Variants in RAP1GDS1 observed in about 807,000 individuals in gnomAD.
RAP1GDS1 encodes RAP1, GTP-GDP dissociation stimulator 1.
Under a neutral mutation model 71.1 loss-of-function variants are expected in RAP1GDS1, and 35 were observed. The ratio of observed to expected loss-of-function variants is 0.49; its 90% CI spans 0.38 to 0.65. The LOEUF is 0.65. Ranked by LOEUF, RAP1GDS1 falls within the 30% of genes least tolerant of loss-of-function variation. The pLI is 0.00. For synonymous variants in RAP1GDS1, 229 were observed against 243.1 expected, an observed-to-expected ratio of 0.94 and a Z score of 0.54; for missense variants, 663 against 706.1, an observed-to-expected ratio of 0.94 and a Z score of 0.69.
At chr4:98,369,484 T>A (rs1405674278) in intron 4 of RAP1GDS1, among the ~76,000 whole-genome samples, 9 of 152,084 alleles carry the variant, frequency 5.9e-5, no homozygotes, top group Non-Finnish European at 1.3e-4. Context: ...TATATTTGAG[T>A]GGATAAAAGA....
At chr4:98,390,275 T>A (rs1265034443) in intron 5 of RAP1GDS1, among the ~76,000 whole-genome samples, 1 of 152,148 alleles carries the variant, frequency 6.6e-6, no homozygotes, top group Non-Finnish European at 1.5e-5. Flanking sequence ...GTATTTTACC[T>A]TTAAGTGTTG....
chr4:98,281,514 A>G (rs1007146835), intron 1 of RAP1GDS1, among the ~76,000 whole-genome samples: 4 of 152,128 alleles, frequency 2.6e-5, no homozygotes, highest in Non-Finnish European at 4.4e-5. Context: ...TTGGGCTGAG[A>G]TGATGGGGTT....
intron 6 of RAP1GDS1, among the ~76,000 whole-genome samples, chr4:98,403,760 AAGG>A (rs779627031): frequency 2.0e-5 from 3 of 152,192 alleles, no homozygotes; most frequent in Non-Finnish European, 4.4e-5. Context: ...TCTTGTGGAA[AAGG>A]AGGAACAATT....
At chr4:98,397,467 G>A (rs1256595205) in intron 6 of RAP1GDS1, among the ~76,000 whole-genome samples, 4 of 151,888 alleles carry the variant, frequency 2.6e-5, no homozygotes, top group South Asian at 2.1e-4. Flanking sequence ...ACCTCCCCCC[G>A]ACCCACTCTC....
intron 5 of RAP1GDS1, among the ~76,000 whole-genome samples, chr4:98,385,801 G>GA (rs1481511420): frequency 6.6e-6 from 1 of 151,838 alleles, no homozygotes; most frequent in Non-Finnish European, 1.5e-5. Flanking sequence ...ATGGTAACTA[G>GA]AAAAGTTTTT....
chr4:98,394,872 G>C (rs781552966), intron 6 of RAP1GDS1, among the ~76,000 whole-genome samples: 1 of 151,984 alleles, frequency 6.6e-6, no homozygotes, highest in Non-Finnish European at 1.5e-5. Flanking sequence ...GTTCACGTTA[G>C]GGCAATAGTT....
At chr4:98,365,335 C>T (rs1247840402) in intron 4 of RAP1GDS1, among the ~76,000 whole-genome samples, 1 of 152,048 alleles carries the variant, frequency 6.6e-6, no homozygotes, top group East Asian at 1.9e-4. Context: ...TAAAATTGAG[C>T]CAGGCATCAT....
rs1003026111 is a variant in RAP1GDS1 at position 98,317,653 on chromosome 4, C to T, written c.112+24138C>T. ...CATCTGAAAGATTCTGCAAGCCACA[C>T]TAAGTGTCTTTATTCCCTAAGCTAT... On this transcript the variant is annotated intron_variant, in intron 2 of 14. Transcript: ENST00000408927. Among the ~76,000 whole-genome samples, 4 of 152,034 alleles carry T rather than the reference C, an allele frequency of 2.6e-5. No individual in the cohort carries two copies. The East Asian group carries it at 7.7e-4, about 29-fold the overall frequency.
chr4:98,286,284 A>T (rs1726000308), intron 1 of RAP1GDS1, among the ~76,000 whole-genome samples: 1 of 150,716 alleles, frequency 6.6e-6, no homozygotes, highest in Admixed American at 6.6e-5. Context: ...AAAAAAAATT[A>T]TTGCCGTGAG....
chr4:98,270,921 C>T (rs191073270), intron 1 of RAP1GDS1, among the ~76,000 whole-genome samples: 460 of 152,168 alleles, frequency 3.0e-3, no homozygotes, highest in Non-Finnish European at 4.8e-3. Flanking sequence ...ATTTTCTCTT[C>T]CTTCCATTTT....
At chr4:98,416,158 G>A (rs1425402034) in intron 7 of RAP1GDS1, among the ~76,000 whole-genome samples, 1 of 152,002 alleles carries the variant, frequency 6.6e-6, no homozygotes, top group African/African-American at 2.4e-5. Context: ...GATACTAGTT[G>A]CTTTCAGAGC....
chr4:98,387,966 T>G (rs1743012142), intron 5 of RAP1GDS1, among the ~76,000 whole-genome samples: 2 of 152,166 alleles, frequency 1.3e-5, no homozygotes, highest in South Asian at 4.1e-4. Context: ...GTCTTTCGCT[T>G]AAAAGTCATA....
intron 5 of RAP1GDS1, among the ~76,000 whole-genome samples, chr4:98,388,103 CT>C: frequency 6.6e-6 from 1 of 152,224 alleles, no homozygotes; most frequent in South Asian, 2.1e-4. Flanking sequence ...AGAATATCAA[CT>C]TATCCTACAC....
chr4:98,380,268 A>G (rs1397981966), intron 5 of RAP1GDS1, among the ~76,000 whole-genome samples: 1 of 151,712 alleles, frequency 6.6e-6, no homozygotes, highest in Non-Finnish European at 1.5e-5. Context: ...AATACTGCCC[A>G]ATCTTTATAT....
chr4:98,400,541 A>AAC (rs1745247623), intron 6 of RAP1GDS1, among the ~76,000 whole-genome samples: 2 of 151,694 alleles, frequency 1.3e-5, no homozygotes, highest in Admixed American at 1.3e-4. Context: ...AAAAAAAAAA[A>AAC]AAAAAACGGA....
chr4:98,304,737 C>G (rs75377645), intron 2 of RAP1GDS1, among the ~76,000 whole-genome samples: 10,044 of 152,030 alleles, frequency 0.066, 371 homozygotes, highest in Admixed American at 0.13. Flanking sequence ...GTTGCAATTG[C>G]TTTTGATGTT....
At chr4:98,339,553 A>G (rs1447716380) in intron 2 of RAP1GDS1, among the ~76,000 whole-genome samples, 1 of 152,078 alleles carries the variant, frequency 6.6e-6, no homozygotes, top group East Asian at 1.9e-4. Flanking sequence ...TTCTGATCAC[A>G]GTGCATCGTT....
At chr4:98,386,970 C>T (rs1235991963) in intron 5 of RAP1GDS1, among the ~76,000 whole-genome samples, 2 of 151,966 alleles carry the variant, frequency 1.3e-5, no homozygotes, top group Non-Finnish European at 2.9e-5. Context: ...TTTCTTCAGT[C>T]TTTATTATGC....
chr4:98,306,820 G>A (rs182693563), intron 2 of RAP1GDS1, among the ~76,000 whole-genome samples: 1 of 152,040 alleles, frequency 6.6e-6, no homozygotes, highest in African/African-American at 2.4e-5. Flanking sequence ...GTCCAAGTGG[G>A]TTCTATTCGC....
Sources: allele counts gnomAD v4.1 joint callset (sites outside exome capture counted in the v4.1 genomes callset), GRCh38; gene constraint gnomAD v4.1.1; transcripts MANE v1.5; gene names NCBI Gene and HGNC (gene_info 2026-07-23, HGNC 2026-07-21).